Variants in MLXIP observed in about 807,000 individuals in gnomAD.
The protein encoded by MLXIP is MLX interacting protein, also known as MLX-interacting protein.
MLXIP carries 30 observed loss-of-function variants against 87.2 expected under a neutral mutation model. The observed-to-expected ratio is 0.34, with a 90% CI of 0.26 to 0.47. MLXIP has a LOEUF of 0.47. Ranked by LOEUF, MLXIP falls within the 20% of genes least tolerant of loss-of-function variation. MLXIP has a pLI of 1.00. For missense variants in MLXIP, 1,002 were observed against 1,240.1 expected (o/e 0.81, Z 2.88); for synonymous variants, 530 against 514.0 (o/e 1.03, Z -0.42).
intron 1 of MLXIP, among the ~76,000 whole-genome samples, chr12:122,087,549 A>C (rs145509827): frequency 4.6e-5 from 7 of 152,272 alleles, no homozygotes; most frequent in Non-Finnish European, 8.8e-5. Flanking sequence ...CCTTCGCTGG[A>C]GTGAGCTTGG....
chr12:122,141,150 A>G, intron 16 of MLXIP, 67 bp downstream of exon 16: 1 of 1,532,362 alleles, frequency 6.5e-7, no homozygotes, highest in East Asian at 2.4e-5. Context: ...CCCCAGGCTG[A>G]GGACAGTATT....
At position 122,135,572 on chromosome 12, in the gene MLXIP, C is replaced by A; in HGVS notation, c.1938C>A (p.Ser646=). Residue 646 remains serine (S), a synonymous_variant, in exon 11 of 17, where the codon TCC becomes TCA. Transcript: ENST00000319080. The surrounding 1 kb of genome is among the most constrained non-coding windows in gnomAD (Gnocchi z 5.3). ...CGAGCAGCCCGCCTGCCCCCGTCTC[C>A]CGGCTCTTCCCAAGCACAGCGCAAG... The part of the protein sequence containing the change: ...HGTSSPPAPV[S]RLFPSTAQDP... The A allele has an allele frequency of 6.3e-7, 1 of 1,598,610 alleles. No individual in the cohort carries two copies. Among genetic ancestry groups the A allele is most frequent in the Non-Finnish European group, 8.5e-7 (1 of 1,173,596 alleles).
intron 1 of MLXIP, among the ~76,000 whole-genome samples, chr12:122,125,434 G>A (rs955882323): frequency 6.6e-6 from 1 of 152,324 alleles, no homozygotes; most frequent in African/African-American, 2.4e-5. Flanking sequence ...AGTTGTGTGT[G>A]TGTCTAAACA....
At chr12:122,141,164 C>T (rs1011046488) in intron 16 of MLXIP, 81 bp downstream of exon 16, 1 of 1,494,542 alleles carries the variant, frequency 6.7e-7, no homozygotes, top group Admixed American at 2.1e-5. Context: ...CAGTATTAGC[C>T]AGACTCCACT....
intron 1 of MLXIP, among the ~76,000 whole-genome samples, chr12:122,108,367 C>CAAAAAAAAAA (rs61424369): frequency 1.2e-5 from 1 of 80,546 alleles, no homozygotes; most frequent in Non-Finnish European, 2.4e-5. Flanking sequence ...GACTCCATCT[C>CAAAAAAAAAA]AAAAAAAAAA....
chr12:122,090,325 G>C lies in MLXIP; in HGVS notation c.413+11059G>C, dbSNP rs1952226905. Among the ~76,000 whole-genome samples, 3 of 151,982 alleles carry C rather than the reference G, an allele frequency of 2.0e-5. No homozygotes were observed. In the South Asian group the frequency reaches 6.2e-4, roughly 32 times the overall value. On this transcript the variant is annotated intron_variant, in intron 1 of 16. Coordinates refer to ENST00000319080, the MANE Select transcript of MLXIP (RefSeq NM_014938.6). ...AGCCTGGCCAACATGGCGAAACCCT[G>C]TCTCTACCGAAAATACAAAAAAATT...
intron 8 of MLXIP, chr12:122,132,917 T>C (rs189569465): frequency 8.0e-5 from 14 of 174,106 alleles, no homozygotes; most frequent in African/African-American, 2.6e-4. Context: ...ATCTGAACCA[T>C]TGATTCCTCG....
intron 1 of MLXIP, among the ~76,000 whole-genome samples, chr12:122,105,129 C>T (rs1952500035): frequency 6.6e-6 from 1 of 152,186 alleles, no homozygotes; most frequent in African/African-American, 2.4e-5. Flanking sequence ...TCCATACTGT[C>T]AGGTGGGCCC....
intron 1 of MLXIP, among the ~76,000 whole-genome samples, chr12:122,108,141 G>T (rs1181485518): frequency 6.6e-6 from 1 of 151,966 alleles, no homozygotes; most frequent in Non-Finnish European, 1.5e-5. Context: ...AGGCTGAGGC[G>T]GGTGAATCAC....
rs557052291 is a variant in MLXIP, at chr12:122,135,503, G to A, written c.1869G>A (p.Pro623=). 9.9e-6 allele frequency: 16 copies of A among 1,609,308 alleles called. No homozygotes were observed. Among genetic ancestry groups the A allele is most frequent in the African/African-American group, 5.3e-5 (4 of 74,956 alleles). ...TGTCACTGCAGGCTCCTGGGGTCCC[G>A]GAGTTCCACAGCAGCATCCTGGTGA... ...PAAIARAPGV[P]EFHSSILVTD... is the part of the protein sequence containing the mutation. The change falls in exon 11 of 17, where the codon CCG becomes CCA. Residue 623 remains proline (P), a synonymous_variant. Coordinates refer to ENST00000319080, the MANE Select transcript of MLXIP (RefSeq NM_014938.6). This position sits in a 1 kb window ranked among gnomAD's most constrained non-coding sequence, Gnocchi z 5.3.
At chr12:122,115,630 T>C (rs1433975962) in intron 1 of MLXIP, among the ~76,000 whole-genome samples, 1 of 136,210 alleles carries the variant, frequency 7.3e-6, no homozygotes, top group Admixed American at 7.3e-5. Flanking sequence ...ACTACACAAA[T>C]ATGTAACCTA....
chr12:122,135,100 G>T lies in MLXIP; in HGVS notation c.1733-124G>T. The T allele has an allele frequency of 6.5e-6, 8 of 1,237,338 alleles. No individual in the cohort carries two copies. The highest frequency in any genetic ancestry group is 9.2e-6 in the Non-Finnish European group (8 of 868,560). 76.6% of individuals were successfully genotyped at this position (1,237,338 alleles called of 1,614,324 possible). On this transcript the variant is annotated intron_variant, in intron 9 of 16. Coordinates refer to ENST00000319080, the MANE Select transcript of MLXIP (RefSeq NM_014938.6). The surrounding 1 kb of genome is among the most constrained non-coding windows in gnomAD (Gnocchi z 5.3). ...ACAAATGGTTTTAGGTGCCTTGGTGGCTTTGTCTTCCTGTCCCCTGGGGTT... is the reference window on the plus strand; with the variant it reads ...ACAAATGGTTTTAGGTGCCTTGGTGTCTTTGTCTTCCTGTCCCCTGGGGTT...
intron 1 of MLXIP, among the ~76,000 whole-genome samples, chr12:122,104,263 C>T (rs1025266036): frequency 6.6e-6 from 1 of 152,170 alleles, no homozygotes; most frequent in Non-Finnish European, 1.5e-5. Flanking sequence ...ATATACAGAA[C>T]ATTTCCATGA....
intron 1 of MLXIP, among the ~76,000 whole-genome samples, chr12:122,104,763 G>T (rs948138835): frequency 1.3e-4 from 20 of 151,934 alleles, no homozygotes; most frequent in African/African-American, 4.6e-4. Flanking sequence ...TGTATTTTTA[G>T]TGGAGATGGG....
At chr12:122,085,207 C>T (rs1952149073) in intron 1 of MLXIP, among the ~76,000 whole-genome samples, 1 of 152,128 alleles carries the variant, frequency 6.6e-6, no homozygotes, top group South Asian at 2.1e-4. Context: ...ATGAACATCG[C>T]ATCCCCCTGG....
chr12:122,139,206 T>C (rs936951451), intron 15 of MLXIP, among the ~76,000 whole-genome samples: 1 of 151,934 alleles, frequency 6.6e-6, no homozygotes, highest in African/African-American at 2.4e-5. Flanking sequence ...CCTTAAGAAA[T>C]CAGGACAATG....
chr12:122,130,807 G>A, intron 6 of MLXIP, 37 bp from the exon 7 acceptor site: 2 of 1,465,782 alleles, frequency 1.4e-6, no homozygotes, highest in Non-Finnish European at 1.9e-6. Flanking sequence ...CATTGTCTGA[G>A]AAGACAAAAT....
At chr12:122,109,251 T>C (rs1221579626) in intron 1 of MLXIP, among the ~76,000 whole-genome samples, 1 of 152,226 alleles carries the variant, frequency 6.6e-6, no homozygotes, top group Non-Finnish European at 1.5e-5. Context: ...GTATTTTTAG[T>C]AGTGACGGGG....
chr12:122,115,711 T>C (rs1351830824), intron 1 of MLXIP, among the ~76,000 whole-genome samples: 1 of 150,308 alleles, frequency 6.7e-6, no homozygotes, highest in Admixed American at 6.6e-5. Flanking sequence ...TGCAGAAACA[T>C]CACAAAGCAT....
Sources: allele counts gnomAD v4.1 joint callset (sites outside exome capture counted in the v4.1 genomes callset), GRCh38; gene constraint gnomAD v4.1.1; non-coding constraint Gnocchi (gnomAD v3.1); transcripts MANE v1.5; gene names NCBI Gene and HGNC (gene_info 2026-07-23, HGNC 2026-07-21).